Variants in KL observed in about 807,000 individuals in gnomAD.
The protein encoded by KL is alpha-klotho.
KL carries 62 observed loss-of-function variants against 84.2 expected under a neutral mutation model. The observed-to-expected ratio is 0.74, with a 90% CI of 0.60 to 0.91. The LOEUF (loss-of-function observed/expected upper bound fraction) is 0.91, where lower values mean the gene tolerates loss of function less well. Among genes scored for constraint, KL ranks in the 40% least tolerant of loss-of-function variants. KL has a pLI of 0.00. For missense variants in KL, 1,261 were observed against 1,305.7 expected (o/e 0.97, Z 0.53); for synonymous variants, 528 against 528.0 (o/e 1.00, Z 0.00).
intron 1 of KL, among the ~76,000 whole-genome samples, chr13:33,029,720 G>A (rs564940537): frequency 5.5e-4 from 83 of 152,136 alleles, no homozygotes; most frequent in African/African-American, 1.9e-3. Context: ...TCCAAGCTCC[G>A]CCTCCCAGGT....
At chr13:33,029,479 CTACTT>C (rs1870893362) in intron 1 of KL, among the ~76,000 whole-genome samples, 2 of 152,184 alleles carry the variant, frequency 1.3e-5, no homozygotes, top group African/African-American at 4.8e-5. Context: ...TATTTGCACT[CTACTT>C]TTCTTTTTGA....
At chr13:33,036,075 C>T (rs1485763709) in intron 1 of KL, among the ~76,000 whole-genome samples, 2 of 152,172 alleles carry the variant, frequency 1.3e-5, no homozygotes, top group Admixed American at 6.5e-5. Context: ...ACTACCCTGA[C>T]CTTTGTCTTG....
Position 33,053,684 on chromosome 13 carries a change from T to A in KL, c.820-83T>A, listed in dbSNP as rs930113249. On this transcript the variant is annotated intron_variant, in intron 1 of 4. Transcript: ENST00000380099. ...AGTTAGGCTTGATGAGAAACAGATA[T>A]AATCTGATTTGGGGATTCAAGTATT... 6.3e-6 allele frequency: 8 copies of A among 1,261,094 alleles called. No homozygotes were observed. In the African/African-American group the frequency reaches 1.2e-4, roughly 19 times the overall value. 78.1% of individuals were successfully genotyped at this position (1,261,094 alleles called of 1,614,324 possible).
rs768500981 is a variant in KL at position 33,055,219 on chromosome 13, A to G, written c.1503A>G (p.Ile501Met). ...CAGCCTTGTTCTACCAAAAGCTGAT[A>G]GAGAAAAATGGCTTCCCTCCTTTAC... Reference protein sequence around the residue: ...KSSALFYQKLIEKNGFPPLPE... With the variant: ...KSSALFYQKLMEKNGFPPLPE... Residue 501 changes from isoleucine (I) to methionine (M), a missense_variant, in exon 3 of 5, where the codon ATA (isoleucine) becomes ATG (methionine). Ile to Met is a conservative substitution (Grantham distance 10). Coordinates refer to ENST00000380099, the MANE Select transcript of KL (RefSeq NM_004795.4). 1.9e-6 allele frequency: 3 copies of G among 1,614,096 alleles called. No individual in the cohort carries two copies. The highest frequency in any genetic ancestry group is 1.6e-4 in the Middle Eastern group (1 of 6,084).
intron 1 of KL, among the ~76,000 whole-genome samples, chr13:33,045,543 T>C (rs7319588): frequency 0.08 from 12,130 of 152,204 alleles, 551 homozygotes; most frequent in South Asian, 0.13. Context: ...TGCAGTGGCG[T>C]GATCTCGGCT....
At chr13:33,045,969 C>G (rs1033575559) in intron 1 of KL, among the ~76,000 whole-genome samples, 1 of 152,070 alleles carries the variant, frequency 6.6e-6, no homozygotes, top group East Asian at 1.9e-4. Context: ...AATGTTTACC[C>G]ATCTTTGCAT....
intron 1 of KL, among the ~76,000 whole-genome samples, chr13:33,029,886 G>A (rs567344154): frequency 1.3e-5 from 2 of 152,048 alleles, no homozygotes; most frequent in South Asian, 4.2e-4. Context: ...ACTCACCTCG[G>A]CCTCCCAAAG....
At chr13:33,062,489 A>G (rs1452750299) in intron 4 of KL, among the ~76,000 whole-genome samples, 3 of 151,912 alleles carry the variant, frequency 2.0e-5, no homozygotes, top group Non-Finnish European at 4.4e-5. Context: ...CCTGACCAAC[A>G]TGGTGAAACC....
intron 1 of KL, among the ~76,000 whole-genome samples, chr13:33,018,716 C>T (rs1023913038): frequency 6.6e-6 from 1 of 152,080 alleles, no homozygotes; most frequent in South Asian, 2.1e-4. Flanking sequence ...AAAACATAAG[C>T]AAGTTATCAG....
rs548170544 is a variant in KL at position 33,052,288 on chromosome 13, A to G, written c.820-1479A>G. Among the ~76,000 whole-genome samples the G allele has an allele frequency of 7.9e-5, 12 of 152,268 alleles. No individual in the cohort carries two copies. The South Asian group carries it at 2.3e-3, about 29-fold the overall frequency. On this transcript the variant is annotated intron_variant, in intron 1 of 4. Coordinates refer to ENST00000380099, the MANE Select transcript of KL (RefSeq NM_004795.4). ...CAGCCTCTGTTTAACTGTTAACATC[A>G]TGAGGTTTCCTTTCAATGAGGAAGG...
intron 1 of KL, among the ~76,000 whole-genome samples, chr13:33,027,712 A>G (rs1036533397): frequency 2.0e-5 from 3 of 152,310 alleles, no homozygotes; most frequent in African/African-American, 7.2e-5. Context: ...ACTGCTGTTG[A>G]AATATTTAGC....
rs114075097 is a variant in KL at position 33,066,085 on chromosome 13, G to A, written c.*1899G>A. Reference sequence around the variant, plus strand: ...GTAAAGAGAAGTAATTTTGCTCCTTGATAAAGTATTATATTAATAATAAAT... The same window carrying A: ...GTAAAGAGAAGTAATTTTGCTCCTTAATAAAGTATTATATTAATAATAAAT... On this transcript the variant is annotated 3_prime_UTR_variant, in exon 5 of 5. Coordinates refer to ENST00000380099, the MANE Select transcript of KL (RefSeq NM_004795.4). The A allele has an allele frequency of 2.3e-3, 400 of 172,594 alleles. 3 individuals carry two copies. The highest frequency in any genetic ancestry group is 9.0e-3 in the African/African-American group (378 of 42,232). The allele number at this position is 172,594 out of a possible 1,614,324, so 10.7% of individuals were successfully genotyped here. A position where few individuals can be genotyped will look rare whatever the true frequency, so the allele number is the denominator to read the frequency against.
At chr13:33,052,248 A>G (rs1387790274) in intron 1 of KL, among the ~76,000 whole-genome samples, 1 of 152,198 alleles carries the variant, frequency 6.6e-6, no homozygotes, top group Non-Finnish European at 1.5e-5. Context: ...GACTGCAGGC[A>G]TGAGCCATCA....
chr13:33,046,639 A>G (rs989912743), intron 1 of KL, among the ~76,000 whole-genome samples: 1 of 151,064 alleles, frequency 6.6e-6, no homozygotes, highest in South Asian at 2.1e-4. Flanking sequence ...TATTTTGTGT[A>G]TATCCATTCT....
At chr13:33,042,601 C>T (rs910021421) in intron 1 of KL, among the ~76,000 whole-genome samples, 1 of 152,156 alleles carries the variant, frequency 6.6e-6, no homozygotes, top group African/African-American at 2.4e-5. Flanking sequence ...TATAAACAAA[C>T]CACACTGTTT....
At position 33,020,394 on chromosome 13, in the gene KL, C is replaced by G. The variant is rs191269005; in HGVS notation, c.819+3135C>G. ...CCTGTAAATAGTGGAGGGCTCAGGG[C>G]TCTGTCTAGATTCACTCCAGGCCAT... On this transcript the variant is annotated intron_variant, in intron 1 of 4. Transcript: ENST00000380099. Among the ~76,000 whole-genome samples the G allele has an allele frequency of 2.6e-4, 39 of 152,206 alleles. No homozygotes were observed. The South Asian group carries it at 3.7e-3, about 15-fold the overall frequency.
chr13:33,027,306 G>A (rs1870813955), intron 1 of KL, among the ~76,000 whole-genome samples: 1 of 152,142 alleles, frequency 6.6e-6, no homozygotes, highest in Non-Finnish European at 1.5e-5. Context: ...TTTTAGGGAC[G>A]AGGCCTCTTC....
rs535918609 is a variant in KL at position 33,064,996 on chromosome 13, G to T, written c.*810G>T. 2 of 227,640 alleles carry T rather than the reference G, an allele frequency of 8.8e-6. No individual in the cohort carries two copies. Among genetic ancestry groups the T allele is most frequent in the East Asian group, 6.3e-5 (1 of 15,880 alleles). The allele number at this position is 227,640 out of a possible 1,614,324, so 14.1% of individuals were successfully genotyped here. A position where few individuals can be genotyped will look rare whatever the true frequency, so the allele number is the denominator to read the frequency against. On this transcript the variant is annotated 3_prime_UTR_variant, in exon 5 of 5. Transcript: ENST00000380099. ...AAGCAATTGTGAAATACAGTATACC[G>T]CAGTGGCTCTAGGTGGAGGAAAGGA...
At chr13:33,059,503 C>T (rs1382072120) in intron 3 of KL, among the ~76,000 whole-genome samples, 1 of 151,714 alleles carries the variant, frequency 6.6e-6, no homozygotes, top group East Asian at 1.9e-4. Flanking sequence ...GATGAAGTCT[C>T]GCTCTGTCAC....
Sources: gnomAD v4.1 joint callset for allele counts (sites outside exome capture counted in the v4.1 genomes callset) on GRCh38, gnomAD v4.1.1 for gene constraint, MANE v1.5 for transcripts, NCBI Gene and HGNC (gene_info 2026-07-23, HGNC 2026-07-21) for gene names.